Variants in DLG2 observed in about 807,000 individuals in gnomAD.
The protein encoded by DLG2 is disks large homolog 2.
In DLG2, 45 loss-of-function variants were observed where a neutral mutation model predicts 132.5. The ratio of observed to expected loss-of-function variants is 0.34; its 90% CI spans 0.27 to 0.44. The LOEUF is 0.44. Among genes scored for constraint, DLG2 ranks in the 20% least tolerant of loss-of-function variants. The pLI is 1.00. For synonymous variants in DLG2, 424 were observed against 419.6 expected (o/e 1.01, Z -0.13); for missense variants, 1,045 against 1,196.9 (o/e 0.87, Z 1.87).
At chr11:84,464,374 G>A (rs759086847) in intron 7 of DLG2, among the ~76,000 whole-genome samples, 50 of 151,278 alleles carry the variant, frequency 3.3e-4, no homozygotes, top group Non-Finnish European at 6.1e-4. Context: ...CAGTGTGGTG[G>A]TTTGCCAGAC....
rs1324532972 is a variant in DLG2 at position 84,788,123 on chromosome 11, A to AAAG, written c.358-253395_358-253393dup. On this transcript the variant is annotated intron_variant, in intron 6 of 27. Transcript: ENST00000376104. The stretch of plus-strand genomic sequence containing the variant: ...CTCAAAAAAAAAAAAAAAAAAAAAA[A>AAAG]AAGAAGAAGAAGAAACCACATCAAT... 3.3e-5 allele frequency among the ~76,000 whole-genome samples: 5 copies of AAAG among 149,988 alleles called. 1 individual carries two copies. The highest frequency in any genetic ancestry group is 3.5e-3 in the Middle Eastern group (1 of 284).
chr11:84,480,607 C>T (rs1203610214), intron 7 of DLG2, among the ~76,000 whole-genome samples: 2 of 151,990 alleles, frequency 1.3e-5, no homozygotes, highest in African/African-American at 4.8e-5. Context: ...TGAAGAAATG[C>T]CTGGGTTTTG....
chr11:84,636,786 T>C (rs1183428984), intron 6 of DLG2, among the ~76,000 whole-genome samples: 3 of 10,428 alleles, frequency 2.9e-4, no homozygotes, highest in Non-Finnish European at 9.1e-4. Flanking sequence ...GGATGCACAT[T>C]TTTTTTTTTT....
intron 16 of DLG2, among the ~76,000 whole-genome samples, chr11:83,872,954 G>T (rs544027749): frequency 9.2e-5 from 14 of 152,300 alleles, no homozygotes; most frequent in Middle Eastern, 3.4e-3. Context: ...ATCCCAAACA[G>T]CAGGTTATTG....
intron 6 of DLG2, among the ~76,000 whole-genome samples, chr11:84,576,821 A>C (rs1181371938): frequency 6.6e-6 from 1 of 152,204 alleles, no homozygotes; most frequent in Non-Finnish European, 1.5e-5. Flanking sequence ...ACAATATTAA[A>C]AACTGTTATA....
At chr11:84,740,508 G>C (rs2064461996) in intron 6 of DLG2, among the ~76,000 whole-genome samples, 2 of 151,240 alleles carry the variant, frequency 1.3e-5, no homozygotes, top group South Asian at 2.1e-4. Flanking sequence ...AGCCACTGTG[G>C]GCCAAGCTGC....
At chr11:84,741,021 G>A (rs77127497) in intron 6 of DLG2, among the ~76,000 whole-genome samples, 2,192 of 145,404 alleles carry the variant, frequency 0.015, 71 homozygotes, top group African/African-American at 0.052. Context: ...TGGCAGATGC[G>A]CCCCAGGCTG....
chr11:85,271,983 A>T (rs1327296613), intron 4 of DLG2, among the ~76,000 whole-genome samples: 1 of 152,192 alleles, frequency 6.6e-6, no homozygotes, highest in African/African-American at 2.4e-5. Flanking sequence ...TGAAGACATG[A>T]AATTTGAGAG....
intron 6 of DLG2, among the ~76,000 whole-genome samples, chr11:84,872,088 A>T (rs76049955): frequency 0.011 from 1,678 of 152,338 alleles, 36 homozygotes; most frequent in African/African-American, 0.037. Context: ...TTTCTTTACC[A>T]GTACTCGTGA....
At chr11:84,428,352 T>A (rs2098973628) in intron 7 of DLG2, among the ~76,000 whole-genome samples, 1 of 152,182 alleles carries the variant, frequency 6.6e-6, no homozygotes, top group Non-Finnish European at 1.5e-5. Flanking sequence ...TTATTAGACA[T>A]CATCATATAT....
intron 18 of DLG2, among the ~76,000 whole-genome samples, chr11:83,646,197 G>A (rs917619915): frequency 6.6e-6 from 1 of 152,112 alleles, no homozygotes; most frequent in African/African-American, 2.4e-5. Flanking sequence ...GATGTGAAAA[G>A]AACACCTTTC....
chr11:84,157,262 G>T (rs530742878), intron 9 of DLG2, among the ~76,000 whole-genome samples: 1 of 152,092 alleles, frequency 6.6e-6, no homozygotes, highest in Non-Finnish European at 1.5e-5. Flanking sequence ...ATATGCAAAT[G>T]TAAATATTAA....
At chr11:84,837,878 G>C (rs373273905) in intron 6 of DLG2, among the ~76,000 whole-genome samples, 1 of 151,732 alleles carries the variant, frequency 6.6e-6, no homozygotes, top group Non-Finnish European at 1.5e-5. Flanking sequence ...AGCATCAAGA[G>C]CAAATAACCT....
intron 4 of DLG2, among the ~76,000 whole-genome samples, chr11:85,268,210 G>A (rs975142390): frequency 1.3e-5 from 2 of 152,068 alleles, no homozygotes; most frequent in African/African-American, 4.8e-5. Context: ...ACTGCTCAGC[G>A]AAAATCTACC....
chr11:83,682,320 A>C (rs1316442917), intron 18 of DLG2: 17 of 985,242 alleles, frequency 1.7e-5, no homozygotes, highest in Non-Finnish European at 1.9e-5. Context: ...ATGAATTATA[A>C]AACAGCCCCT....
intron 14 of DLG2, among the ~76,000 whole-genome samples, chr11:83,947,018 C>A (rs1014386852): frequency 6.6e-6 from 1 of 152,076 alleles, no homozygotes; most frequent in South Asian, 2.1e-4. Context: ...AGTATATGAT[C>A]GAAACTAATA....
At chr11:84,699,170 A>G (rs1327153608) in intron 6 of DLG2, among the ~76,000 whole-genome samples, 1 of 151,568 alleles carries the variant, frequency 6.6e-6, no homozygotes, top group Non-Finnish European at 1.5e-5. Flanking sequence ...GCAAATGGAT[A>G]GAATTTGTAG....
chr11:84,698,812 A>G (rs1259295624), intron 6 of DLG2, among the ~76,000 whole-genome samples: 1 of 151,580 alleles, frequency 6.6e-6, no homozygotes, highest in Non-Finnish European at 1.5e-5. Flanking sequence ...TTTTTCTGCC[A>G]CAATTCATCA....
At chr11:84,305,171 C>T (rs1039897229) in intron 7 of DLG2, among the ~76,000 whole-genome samples, 4 of 151,946 alleles carry the variant, frequency 2.6e-5, no homozygotes, top group African/African-American at 9.7e-5. Flanking sequence ...TAAGTCTTGG[C>T]ACAAAAACAT....
Sources: gnomAD v4.1 joint callset for allele counts (sites outside exome capture counted in the v4.1 genomes callset) on GRCh38, gnomAD v4.1.1 for gene constraint, MANE v1.5 for transcripts, NCBI Gene and HGNC (gene_info 2026-07-23, HGNC 2026-07-21) for gene names.